GPC5: variants seen among roughly 807,000 people sequenced by gnomAD.
GPC5 encodes the protein glypican-5.
Under a neutral mutation model 53.9 loss-of-function variants are expected in GPC5, and 47 were observed. That is an observed-to-expected ratio of 0.87 (90% confidence interval 0.69 to 1.11). The LOEUF (loss-of-function observed/expected upper bound fraction) is 1.11, where lower values mean the gene tolerates loss of function less well. Ranked by LOEUF, GPC5 falls within the 50% of genes most tolerant of loss-of-function variation. The pLI is 0.00. For missense variants in GPC5, 748 were observed against 713.1 expected (o/e 1.05, Z -0.56); for synonymous variants, 286 against 263.3 (o/e 1.09, Z -0.84).
At chr13:91,982,287 A>G (rs1318086833) in intron 6 of GPC5, among the ~76,000 whole-genome samples, 4 of 152,206 alleles carry the variant, frequency 2.6e-5, no homozygotes, top group Non-Finnish European at 4.4e-5. Context: ...GTTCTAGGGG[A>G]TGATCCCACA....
chr13:92,617,290 A>C (rs150468024), intron 7 of GPC5, among the ~76,000 whole-genome samples: 5 of 152,314 alleles, frequency 3.3e-5, no homozygotes, highest in African/African-American at 1.2e-4. Flanking sequence ...TGCTCTGTGT[A>C]GAAGCTAGTG....
At chr13:91,831,789 T>C (rs1309010393) in intron 5 of GPC5, among the ~76,000 whole-genome samples, 2 of 152,124 alleles carry the variant, frequency 1.3e-5, no homozygotes, top group Non-Finnish European at 1.5e-5. Flanking sequence ...TTCTTAATCC[T>C]GAGTTCTAAT....
chr13:91,817,205 C>A (rs1316185725), intron 5 of GPC5, among the ~76,000 whole-genome samples: 2 of 152,076 alleles, frequency 1.3e-5, no homozygotes, highest in African/African-American at 4.8e-5. Flanking sequence ...TTCTATCTTT[C>A]GACAGGAATT....
At chr13:92,647,811 A>G (rs570879842) in intron 7 of GPC5, among the ~76,000 whole-genome samples, 1 of 152,228 alleles carries the variant, frequency 6.6e-6, no homozygotes, top group South Asian at 2.1e-4. Flanking sequence ...AGTAGAATAT[A>G]TGATAGAATA....
At chr13:92,046,769 T>C (rs2040985185) in intron 6 of GPC5, among the ~76,000 whole-genome samples, 1 of 152,182 alleles carries the variant, frequency 6.6e-6, no homozygotes, top group African/African-American at 2.4e-5. Flanking sequence ...TTTTACATCA[T>C]TGGAAAGAAA....
At chr13:92,779,858 T>C (rs1875956038) in intron 7 of GPC5, among the ~76,000 whole-genome samples, 1 of 152,192 alleles carries the variant, frequency 6.6e-6, no homozygotes. Context: ...AATTCTTAAT[T>C]ATATTTAGAA....
chr13:92,646,763 T>TTTCTC (rs1885782439), intron 7 of GPC5, among the ~76,000 whole-genome samples: 1 of 151,744 alleles, frequency 6.6e-6, no homozygotes, highest in Non-Finnish European at 1.5e-5. Flanking sequence ...TTCTGAATAA[T>TTTCTC]TTAATGTTTT....
intron 6 of GPC5, among the ~76,000 whole-genome samples, chr13:92,029,834 A>C (rs1369969331): frequency 6.6e-6 from 1 of 152,170 alleles, no homozygotes. Context: ...GGATGTAGTA[A>C]AACAGATGAG....
chr13:92,710,545 T>C (rs1277490712), intron 7 of GPC5, among the ~76,000 whole-genome samples: 2 of 152,228 alleles, frequency 1.3e-5, no homozygotes, highest in Admixed American at 1.3e-4. Context: ...TCTATTCATT[T>C]GCATTTTAAA....
intron 7 of GPC5, among the ~76,000 whole-genome samples, chr13:92,268,808 A>G (rs2042820679): frequency 6.6e-6 from 1 of 152,110 alleles, no homozygotes; most frequent in Admixed American, 6.5e-5. Flanking sequence ...GTATGTGAAT[A>G]CTTTTTCTTA....
intron 5 of GPC5, among the ~76,000 whole-genome samples, chr13:91,850,742 T>G (rs1594616531): frequency 1.3e-5 from 2 of 152,144 alleles, no homozygotes; most frequent in Admixed American, 1.3e-4. Context: ...CTTCATTTGT[T>G]AGATATGTCT....
intron 6 of GPC5, among the ~76,000 whole-genome samples, chr13:92,119,335 T>G (rs1469623072): frequency 1.3e-5 from 2 of 150,962 alleles, no homozygotes; most frequent in Admixed American, 1.3e-4. Flanking sequence ...AAATGAGATT[T>G]GGGTGGGAAC....
At chr13:92,579,990 C>T (rs1245231521) in intron 7 of GPC5, among the ~76,000 whole-genome samples, 3 of 152,112 alleles carry the variant, frequency 2.0e-5, no homozygotes, top group Admixed American at 6.6e-5. Flanking sequence ...AAACTTTCTC[C>T]GTGTTTGAAT....
At chr13:91,970,622 C>CA (rs903094651) in intron 6 of GPC5, among the ~76,000 whole-genome samples, 19 of 151,920 alleles carry the variant, frequency 1.3e-4, no homozygotes, top group African/African-American at 3.6e-4. Context: ...GTAATAAAAG[C>CA]AAAAAAATAG....
intron 7 of GPC5, among the ~76,000 whole-genome samples, chr13:92,759,631 T>C (rs937744477): frequency 6.6e-6 from 1 of 152,098 alleles, no homozygotes; most frequent in Non-Finnish European, 1.5e-5. Flanking sequence ...TTTAGGGCTC[T>C]CTATACATAG....
At chr13:91,642,824 T>C (rs2034463974) in intron 2 of GPC5, among the ~76,000 whole-genome samples, 1 of 151,940 alleles carries the variant, frequency 6.6e-6, no homozygotes, top group Non-Finnish European at 1.5e-5. Context: ...GGATGATTGC[T>C]AGTGCATGGG....
At position 92,656,701 on chromosome 13, in the gene GPC5, A is replaced by G. The variant is rs746689694; in HGVS notation, c.1562-209581A>G. ...CTAAACTAAGTTCAGTCAACTTTCA[A>G]TAATAGCAAAAACAGGCCAAAGTGG... is the stretch of plus-strand genomic sequence containing the variant. On this transcript the variant is annotated intron_variant, in intron 7 of 7. Transcript: ENST00000377067. 3.3e-5 allele frequency among the ~76,000 whole-genome samples: 5 copies of G among 152,322 alleles called. No individual in the cohort carries two copies. In the South Asian group the frequency reaches 8.3e-4, roughly 25 times the overall value.
At chr13:92,385,753 G>A (rs1370004020) in intron 7 of GPC5, among the ~76,000 whole-genome samples, 1 of 103,812 alleles carries the variant, frequency 9.6e-6, no homozygotes, top group South Asian at 2.9e-4. Context: ...ATATATACAC[G>A]TGTATATATA....
At chr13:91,627,463 G>T (rs1426178914) in intron 2 of GPC5, among the ~76,000 whole-genome samples, 1 of 151,912 alleles carries the variant, frequency 6.6e-6, no homozygotes, top group African/African-American at 2.4e-5. Context: ...TTTTCTTTGA[G>T]GAAGAATTTG....
Sources: gnomAD v4.1 joint callset for allele counts (sites outside exome capture counted in the v4.1 genomes callset) on GRCh38, gnomAD v4.1.1 for gene constraint, MANE v1.5 for transcripts, NCBI Gene and HGNC (gene_info 2026-07-23, HGNC 2026-07-21) for gene names.